The following MMD variants were observed in gnomAD, a reference collection of about 807,000 sequenced individuals.
MMD encodes monocyte to macrophage differentiation associated.
A neutral mutation model predicts 33.6 loss-of-function variants in MMD; 22 were observed. The observed-to-expected ratio is 0.66, with a 90% CI of 0.47 to 0.94. MMD has a LOEUF of 0.94. Among genes scored for constraint, MMD ranks in the 40% least tolerant of loss-of-function variants. The probability of loss-of-function intolerance (pLI) is 0.00; values close to 1 mark genes in which losing one functional copy is unlikely to be tolerated. For synonymous variants in MMD, 97 were observed against 103.2 expected (o/e 0.94, Z 0.36); for missense variants, 242 against 309.8 (o/e 0.78, Z 1.64).
chr17:55,401,321 A>G (rs930199391), intron 6 of MMD, 148 bp downstream of exon 6: 7 of 667,764 alleles, frequency 1.0e-5, no homozygotes, highest in Non-Finnish European at 1.7e-5. Context: ...GCCAAGCTAA[A>G]CACTTCATTA....
intron 1 of MMD, among the ~76,000 whole-genome samples, chr17:55,416,471 G>A (rs987777728): frequency 5.9e-5 from 9 of 152,094 alleles, no homozygotes; most frequent in East Asian, 5.8e-4. Flanking sequence ...GGTAAGACAC[G>A]GGCAATAGGG....
At chr17:55,408,505 T>C (rs1389272875) in intron 3 of MMD, among the ~76,000 whole-genome samples, 1 of 152,220 alleles carries the variant, frequency 6.6e-6, no homozygotes, top group South Asian at 2.1e-4. Flanking sequence ...CTGAGGTCTA[T>C]TCATAAAATG....
intron 5 of MMD, 114 bp from the exon 6 acceptor site, chr17:55,401,652 T>C: frequency 1.2e-6 from 1 of 822,154 alleles, no homozygotes; most frequent in Non-Finnish European, 1.8e-6. Context: ...TCTTAACTAT[T>C]CAAATAAAAC....
intron 3 of MMD, among the ~76,000 whole-genome samples, chr17:55,410,713 T>C (rs1907726923): frequency 6.6e-6 from 1 of 152,230 alleles, no homozygotes; most frequent in Non-Finnish European, 1.5e-5. Flanking sequence ...CACACACTCA[T>C]AGGGTCTTTT....
At chr17:55,397,044 T>C (rs1567845286) in intron 6 of MMD, among the ~76,000 whole-genome samples, 1 of 152,256 alleles carries the variant, frequency 6.6e-6, no homozygotes, top group Non-Finnish European at 1.5e-5. Flanking sequence ...CCATCCATTG[T>C]TACCATGTAC....
chr17:55,404,106 G>C (rs531775543), intron 4 of MMD, among the ~76,000 whole-genome samples: 1 of 152,314 alleles, frequency 6.6e-6, no homozygotes, highest in South Asian at 2.1e-4. Context: ...TGTAATCCCA[G>C]CACTTTGGGA....
rs4570925 is a variant in MMD, at chr17:55,393,830, T to A, written c.*504A>T. ...GATGCATATCAATGAAATATTTTTT[T>A]AAAAATTTACAAAAAACTAAAGTTT... On this transcript the variant is annotated 3_prime_UTR_variant, in exon 7 of 7. Coordinates refer to ENST00000262065, the MANE Select transcript of MMD (RefSeq NM_012329.3). 46,334 of 152,544 alleles carry A rather than the reference T, an allele frequency of 0.3. 8,677 individuals carry two copies. The highest frequency in any genetic ancestry group is 0.42 in the Non-Finnish European group (28,410 of 67,994). 9.4% of individuals were successfully genotyped at this position (152,544 alleles called of 1,614,324 possible).
At chr17:55,410,348 G>A (rs4794582) in intron 3 of MMD, among the ~76,000 whole-genome samples, 26,117 of 152,084 alleles carry the variant, frequency 0.17, 2,580 homozygotes, top group East Asian at 0.45. Context: ...TTTTTTGGAC[G>A]TTCTTTAAAA....
At chr17:55,396,821 C>G (rs531769585) in intron 6 of MMD, among the ~76,000 whole-genome samples, 2 of 151,844 alleles carry the variant, frequency 1.3e-5, no homozygotes, top group Non-Finnish European at 1.5e-5. Flanking sequence ...TTCATCATGT[C>G]GGTCAGGCTG....
intron 3 of MMD, among the ~76,000 whole-genome samples, chr17:55,409,286 T>C (rs540354714): frequency 1.3e-5 from 2 of 152,316 alleles, no homozygotes; most frequent in African/African-American, 4.8e-5. Flanking sequence ...TCTGAAGTGC[T>C]AGGAGGTGAG....
At chr17:55,418,960 C>T (rs1242656566) in intron 1 of MMD, among the ~76,000 whole-genome samples, 4 of 152,012 alleles carry the variant, frequency 2.6e-5, no homozygotes, top group Admixed American at 6.6e-5. Flanking sequence ...GGATCTTATG[C>T]CTATAAGATC....
Position 55,393,894 on chromosome 17 carries a change from T to A in MMD, c.*440A>T, listed in dbSNP as rs1237418507. The stretch of plus-strand genomic sequence containing the variant: ...AACCATGTTATGCCAAGATGAAACA[T>A]GGTAAAAAGTAGTGTAAGTTCTGTC... On this transcript the variant is annotated 3_prime_UTR_variant, in exon 7 of 7. Transcript: ENST00000262065. 6.5e-6 allele frequency: 1 copy of A among 152,970 alleles called. No homozygotes were observed. The highest frequency in any genetic ancestry group is 2.4e-5 in the African/African-American group (1 of 41,464). The allele number at this position is 152,970 out of a possible 1,614,324, so 9.5% of individuals were successfully genotyped here.
intron 4 of MMD, chr17:55,404,890 A>G (rs1409035000): frequency 3.3e-6 from 1 of 301,834 alleles, no homozygotes; most frequent in Non-Finnish European, 4.9e-6. Flanking sequence ...GGTGGAACCC[A>G]GTCTCTACTA....
chr17:55,398,266 C>T (rs886742041), intron 6 of MMD, among the ~76,000 whole-genome samples: 3 of 151,916 alleles, frequency 2.0e-5, no homozygotes, highest in African/African-American at 7.2e-5. Context: ...TTCAAGTTCA[C>T]TGAACTTTGC....
At chr17:55,407,298 CAAAATAAATAAATAAA>C (rs1447138939) in intron 4 of MMD, among the ~76,000 whole-genome samples, 1 of 136,318 alleles carries the variant, frequency 7.3e-6, no homozygotes, top group African/African-American at 2.9e-5. Flanking sequence ...GACTCCATCT[CAAAATAAATAAATAAA>C]TAAATAAATA....
chr17:55,413,263 C>G (rs1396860178), intron 2 of MMD, among the ~76,000 whole-genome samples: 1 of 152,132 alleles, frequency 6.6e-6, no homozygotes, highest in Non-Finnish European at 1.5e-5. Context: ...AAGAAGCAAA[C>G]TGGTCTTTTC....
intron 1 of MMD, among the ~76,000 whole-genome samples, chr17:55,417,206 G>T (rs892311854): frequency 6.6e-6 from 1 of 152,108 alleles, no homozygotes; most frequent in Admixed American, 6.6e-5. Context: ...TTCTCCGAGT[G>T]CAAGTACCAT....
At chr17:55,412,002 G>A (rs1193029382) in intron 2 of MMD, among the ~76,000 whole-genome samples, 2 of 152,152 alleles carry the variant, frequency 1.3e-5, no homozygotes, top group East Asian at 1.9e-4. Flanking sequence ...GCTTGGGCCT[G>A]AAAGGTTGAG....
At chr17:55,404,423 G>A (rs1226689367) in intron 4 of MMD, 2 of 956,548 alleles carry the variant, frequency 2.1e-6, no homozygotes, top group Non-Finnish European at 2.5e-6. Flanking sequence ...AAGTTGAAGG[G>A]AGTCCCAGCA....
Sources: gnomAD v4.1 joint callset for allele counts (sites outside exome capture counted in the v4.1 genomes callset) on GRCh38, gnomAD v4.1.1 for gene constraint, MANE v1.5 for transcripts, NCBI Gene and HGNC (gene_info 2026-07-23, HGNC 2026-07-21) for gene names.